DACH1: variants seen among roughly 807,000 people sequenced by gnomAD.
DACH1 encodes dachshund homolog 1.
A neutral mutation model predicts 54.2 loss-of-function variants in DACH1; 12 were observed. The ratio of observed to expected loss-of-function variants is 0.22; its 90% CI spans 0.14 to 0.36. The LOEUF is 0.36. Ranked by LOEUF, DACH1 falls within the 10% of genes least tolerant of loss-of-function variation. The probability of loss-of-function intolerance (pLI) is 1.00; values close to 1 mark genes in which losing one functional copy is unlikely to be tolerated. For missense variants in DACH1, 805 were observed against 929.8 expected (o/e 0.87, Z 1.75); for synonymous variants, 386 against 366.2 (o/e 1.05, Z -0.62).
chr13:71,616,219 G>A (rs1337561677), intron 3 of DACH1, among the ~76,000 whole-genome samples: 1 of 152,066 alleles, frequency 6.6e-6, no homozygotes, highest in Non-Finnish European at 1.5e-5. Flanking sequence ...GATTGCTTTG[G>A]GGAGACTAGA....
intron 1 of DACH1, among the ~76,000 whole-genome samples, chr13:71,762,248 C>G (rs373476419): frequency 1.3e-5 from 2 of 152,072 alleles, no homozygotes; most frequent in Non-Finnish European, 2.9e-5. Context: ...GGATCACAGT[C>G]TATGACATTC....
chr13:71,588,679 A>G (rs1488093067), intron 3 of DACH1, among the ~76,000 whole-genome samples: 2 of 152,094 alleles, frequency 1.3e-5, no homozygotes. Flanking sequence ...AAAACAACAC[A>G]AAATAATGAA....
At chr13:71,845,299 A>T (rs1873157277) in intron 1 of DACH1, among the ~76,000 whole-genome samples, 1 of 152,178 alleles carries the variant, frequency 6.6e-6, no homozygotes, top group Non-Finnish European at 1.5e-5. Flanking sequence ...GTTAAGAACT[A>T]CCCCACTAAG....
intron 1 of DACH1, among the ~76,000 whole-genome samples, chr13:71,728,105 CTGTCAATTAAA>C (rs1266713258): frequency 2.6e-5 from 4 of 151,982 alleles, no homozygotes; most frequent in African/African-American, 4.8e-5. Flanking sequence ...TGAAAACATG[CTGTCAATTAAA>C]TGTCAATTAA....
intron 1 of DACH1, among the ~76,000 whole-genome samples, chr13:71,797,768 C>T (rs1887116939): frequency 6.6e-6 from 1 of 152,118 alleles, no homozygotes; most frequent in African/African-American, 2.4e-5. Context: ...CCCGCATCCA[C>T]AGATGTCATC....
At chr13:71,569,031 A>G (rs1164491099) in intron 4 of DACH1, among the ~76,000 whole-genome samples, 5 of 152,124 alleles carry the variant, frequency 3.3e-5, no homozygotes, top group Non-Finnish European at 7.4e-5. Flanking sequence ...TAGAAAGTCT[A>G]AGTTCAAGGC....
intron 2 of DACH1, 144 bp from the exon 3 acceptor site, chr13:71,630,861 C>A (rs1016296342): frequency 1.1e-6 from 1 of 924,772 alleles, no homozygotes. Flanking sequence ...TACTCATTCC[C>A]AACTAGACAA....
At chr13:71,773,953 G>A (rs1234639866) in intron 1 of DACH1, among the ~76,000 whole-genome samples, 3 of 149,358 alleles carry the variant, frequency 2.0e-5, no homozygotes, top group African/African-American at 7.4e-5. Flanking sequence ...AATGGCACAG[G>A]CCAGTCACTC....
At chr13:71,507,492 C>T (rs1226190207) in intron 6 of DACH1, among the ~76,000 whole-genome samples, 2 of 151,958 alleles carry the variant, frequency 1.3e-5, no homozygotes, top group Admixed American at 6.6e-5. Context: ...TGCAATTAAC[C>T]TTGAAATATG....
chr13:71,800,209 A>C (rs1435664523), intron 1 of DACH1, among the ~76,000 whole-genome samples: 1 of 152,130 alleles, frequency 6.6e-6, no homozygotes, highest in Non-Finnish European at 1.5e-5. Context: ...ATTATATACA[A>C]ATTTAATTCT....
Position 71,604,632 on chromosome 13 carries a change from C to T in DACH1, c.1126+25924G>A, listed in dbSNP as rs115981351. On this transcript the variant is annotated intron_variant, in intron 3 of 10. Coordinates refer to ENST00000613252, the MANE Select transcript of DACH1 (RefSeq NM_080759.6). ...CATAACTGAAACAAAAATATAAAAACGTATTTTAACTGAGCTCAACTCTCA... is the reference window on the plus strand; with the variant it reads ...CATAACTGAAACAAAAATATAAAAATGTATTTTAACTGAGCTCAACTCTCA... Among the ~76,000 whole-genome samples, 374 of 151,776 alleles carry T rather than the reference C, an allele frequency of 2.5e-3. 1 individual carries two copies. The highest frequency in any genetic ancestry group is 0.012 in the South Asian group (60 of 4,824).
intron 3 of DACH1, among the ~76,000 whole-genome samples, chr13:71,590,875 C>CTTTTTTTTTTTTTT (rs71123234): frequency 1.9e-4 from 16 of 85,130 alleles, no homozygotes; most frequent in Admixed American, 3.3e-4. Flanking sequence ...CTCTCTCTTT[C>CTTTTTTTTTTTTTT]TTTTTTTTTT....
rs113125650 is a variant in DACH1, at chr13:71,853,546, T to C, written c.848+12376A>G. On this transcript the variant is annotated intron_variant, in intron 1 of 10. Transcript: ENST00000613252. ...ATGACACTGTTTATTATTAAAAAAT[T>C]AGATAAACCAAGTCCTCTTAAAATG... Among the ~76,000 whole-genome samples the C allele has an allele frequency of 5.5e-3, 830 of 152,272 alleles. 6 individuals are homozygous for C. Among genetic ancestry groups the C allele is most frequent in the Non-Finnish European group, 9.4e-3 (642 of 68,016 alleles).
At chr13:71,535,403 T>A (rs1472297197) in intron 6 of DACH1, among the ~76,000 whole-genome samples, 1 of 151,964 alleles carries the variant, frequency 6.6e-6, no homozygotes. Flanking sequence ...AAATTTGGAA[T>A]GTTATTGTTA....
At chr13:71,510,774 G>C (rs1348008709) in intron 6 of DACH1, among the ~76,000 whole-genome samples, 1 of 151,654 alleles carries the variant, frequency 6.6e-6, no homozygotes, top group Non-Finnish European at 1.5e-5. Context: ...TCTCATTTAT[G>C]CCTTCCTCTA....
intron 2 of DACH1, among the ~76,000 whole-genome samples, chr13:71,632,404 C>T (rs1223208412): frequency 6.8e-6 from 1 of 147,328 alleles, no homozygotes; most frequent in East Asian, 2.4e-4. Context: ...ATAAATATCC[C>T]CAACCCCACC....
intron 6 of DACH1, among the ~76,000 whole-genome samples, chr13:71,552,854 G>C (rs1320664884): frequency 4.3e-5 from 5 of 117,040 alleles, no homozygotes; most frequent in African/African-American, 1.7e-4. Context: ...GAGAGAGAGA[G>C]AGAGAGAGAG....
chr13:71,622,414 T>C (rs1286634038), intron 3 of DACH1, among the ~76,000 whole-genome samples: 1 of 151,928 alleles, frequency 6.6e-6, no homozygotes, highest in Admixed American at 6.6e-5. Flanking sequence ...TTATATTTTA[T>C]AAAACAAAGT....
chr13:71,451,150 T>A (rs979337642), intron 10 of DACH1, among the ~76,000 whole-genome samples: 7 of 152,180 alleles, frequency 4.6e-5, no homozygotes, highest in African/African-American at 1.7e-4. Context: ...TTCGACAAAG[T>A]GTTTTAGTCA....
Sources: gnomAD v4.1 joint callset for allele counts (sites outside exome capture counted in the v4.1 genomes callset) on GRCh38, gnomAD v4.1.1 for gene constraint, MANE v1.5 for transcripts, NCBI Gene and HGNC (gene_info 2026-07-23, HGNC 2026-07-21) for gene names.